Variants in GBF1 observed in about 807,000 individuals in gnomAD.
GBF1 encodes the protein Golgi-specific brefeldin A-resistance guanine nucleotide exchange factor 1.
A neutral mutation model predicts 210.5 loss-of-function variants in GBF1; 114 were observed. That is an observed-to-expected ratio of 0.54 (90% CI 0.47 to 0.63). The LOEUF (loss-of-function observed/expected upper bound fraction) is 0.63. Among genes scored for constraint, GBF1 ranks in the 30% least tolerant of loss-of-function variants. The probability of loss-of-function intolerance (pLI) is 0.00; values close to 1 mark genes in which losing one functional copy is unlikely to be tolerated. For synonymous variants in GBF1, 850 were observed against 889.2 expected, an observed-to-expected ratio of 0.96 and a Z score of 0.78; for missense variants, 1,851 against 2,357.7, an observed-to-expected ratio of 0.79 and a Z score of 4.45.
intron 3 of GBF1, among the ~76,000 whole-genome samples, chr10:102,308,798 C>CA (rs2078155869): frequency 6.6e-6 from 1 of 151,418 alleles, no homozygotes; most frequent in African/African-American, 2.4e-5. Context: ...ATGGGTGCAG[C>CA]ACACCAGCAT....
intron 3 of GBF1, among the ~76,000 whole-genome samples, chr10:102,340,441 T>C (rs1196651504): frequency 6.6e-6 from 1 of 151,898 alleles, no homozygotes; most frequent in Non-Finnish European, 1.5e-5. Flanking sequence ...GCCTGGCTAA[T>C]TTTTTGTATT....
intron 3 of GBF1, among the ~76,000 whole-genome samples, chr10:102,310,746 G>A (rs933455899): frequency 4.6e-5 from 7 of 152,200 alleles, no homozygotes; most frequent in Middle Eastern, 3.2e-3. Flanking sequence ...GTGGGGCAGC[G>A]GCAAAGAGGC....
At chr10:102,267,788 T>G (rs1443186970) in intron 3 of GBF1, among the ~76,000 whole-genome samples, 1 of 152,208 alleles carries the variant, frequency 6.6e-6, no homozygotes, top group Non-Finnish European at 1.5e-5. Flanking sequence ...GGCTGAGTGT[T>G]AGGAAAGGCA....
intron 3 of GBF1, among the ~76,000 whole-genome samples, chr10:102,304,048 A>C (rs1474191264): frequency 6.6e-6 from 1 of 152,134 alleles, no homozygotes; most frequent in Non-Finnish European, 1.5e-5. Context: ...TTATATGTGA[A>C]GTCTCCATCT....
chr10:102,380,397 G>A (rs1236419735), intron 37 of GBF1, 35 bp downstream of exon 37: 22 of 1,580,782 alleles, frequency 1.4e-5, no homozygotes, highest in Non-Finnish European at 1.7e-5. Context: ...CCTGCCTCCT[G>A]TCCCACCTGT....
chr10:102,318,786 T>C (rs2056100479), intron 3 of GBF1, among the ~76,000 whole-genome samples: 2 of 152,234 alleles, frequency 1.3e-5, no homozygotes, highest in Non-Finnish European at 2.9e-5. Flanking sequence ...ATTTTTACAT[T>C]TTAAGCATTA....
chr10:102,374,506 G>A (rs772115915), intron 29 of GBF1, among the ~76,000 whole-genome samples: 33 of 151,994 alleles, frequency 2.2e-4, no homozygotes, highest in East Asian at 3.9e-4. Context: ...GATCACTTGC[G>A]CCCAGGAGTT....
At chr10:102,255,750 T>G (rs2072258043) in intron 1 of GBF1, among the ~76,000 whole-genome samples, 1 of 152,264 alleles carries the variant, frequency 6.6e-6, no homozygotes, top group Admixed American at 6.5e-5. Flanking sequence ...TATTTCTAAG[T>G]TCTCCTCCTC....
At position 102,363,590 on chromosome 10, in the gene GBF1, G is replaced by C. The variant is rs917257481; in HGVS notation, c.2018-120G>C. On this transcript the variant is annotated intron_variant, in intron 16 of 39. Coordinates refer to ENST00000369983, the MANE Select transcript of GBF1 (RefSeq NM_001377137.1). The surrounding 1 kb of genome is among the most constrained non-coding windows in gnomAD (Gnocchi z 4.2). ...TTCCAGGGAAGTGGAAGACTGGTGAGGACAAGATTTCTGAGGCTCCTTCTT... is the reference window on the plus strand; with the variant it reads ...TTCCAGGGAAGTGGAAGACTGGTGACGACAAGATTTCTGAGGCTCCTTCTT... 3 of 824,610 alleles carry C rather than the reference G, an allele frequency of 3.6e-6. No individual in the cohort carries two copies. The highest frequency in any genetic ancestry group is 1.7e-5 in the African/African-American group (1 of 58,870). The allele number at this position is 824,610 out of a possible 1,614,324, so 51.1% of individuals were successfully genotyped here.
At chr10:102,304,780 AAAAGAAAG>A (rs572591453) in intron 3 of GBF1, among the ~76,000 whole-genome samples, 2 of 151,990 alleles carry the variant, frequency 1.3e-5, no homozygotes, top group African/African-American at 4.8e-5. Context: ...TCTCAAAAAA[AAAAGAAAG>A]AAAGAAAGAA....
chr10:102,262,253 C>A lies in GBF1; in HGVS notation c.163+2137C>A, dbSNP rs532359662. 3.3e-5 allele frequency among the ~76,000 whole-genome samples: 5 copies of A among 152,222 alleles called. No individual in the cohort carries two copies. The East Asian group carries it at 9.6e-4, about 29-fold the overall frequency. On this transcript the variant is annotated intron_variant, in intron 3 of 39. Coordinates refer to ENST00000369983, the MANE Select transcript of GBF1 (RefSeq NM_001377137.1). ...GGCAATTGTTGACTAGTTAGCAGGGCAAATGCTGCTACTAGGTGGCATGTT... is the reference window on the plus strand; with the variant it reads ...GGCAATTGTTGACTAGTTAGCAGGGAAAATGCTGCTACTAGGTGGCATGTT...
intron 4 of GBF1, among the ~76,000 whole-genome samples, chr10:102,344,407 T>G (rs1224159567): frequency 6.6e-6 from 1 of 152,216 alleles, no homozygotes; most frequent in East Asian, 1.9e-4. Flanking sequence ...GCACTCTGGC[T>G]TCTCTATGCT....
intron 29 of GBF1, 90 bp downstream of exon 29, chr10:102,370,950 A>G (rs2060174094): frequency 8.1e-7 from 1 of 1,238,802 alleles, no homozygotes. Context: ...GACAGAGAGT[A>G]CATTTAGTGC....
intron 3 of GBF1, among the ~76,000 whole-genome samples, chr10:102,325,346 C>T (rs2056799133): frequency 6.6e-6 from 1 of 152,114 alleles, no homozygotes; most frequent in East Asian, 2.0e-4. Flanking sequence ...GTCAGGAGTT[C>T]AAGACCAGCC....
At chr10:102,278,516 A>G (rs1029971959) in intron 3 of GBF1, among the ~76,000 whole-genome samples, 4 of 152,190 alleles carry the variant, frequency 2.6e-5, no homozygotes, top group Non-Finnish European at 4.4e-5. Flanking sequence ...TTGATCCATA[A>G]TAATTATACT....
At chr10:102,328,071 A>T (rs2134269767) in intron 3 of GBF1, among the ~76,000 whole-genome samples, 1 of 152,342 alleles carries the variant, frequency 6.6e-6, no homozygotes, top group South Asian at 2.1e-4. Context: ...GTGGCAAGTG[A>T]TTACCATACT....
chr10:102,314,063 AAAAG>A (rs1194653514), intron 3 of GBF1, among the ~76,000 whole-genome samples: 1 of 152,200 alleles, frequency 6.6e-6, no homozygotes, highest in Non-Finnish European at 1.5e-5. Context: ...AGAAGAGAAA[AAAAG>A]AAACCATATA....
At chr10:102,369,065 A>G (rs1270296464) in intron 23 of GBF1, 146 bp from the exon 24 acceptor site, 1 of 679,120 alleles carries the variant, frequency 1.5e-6, no homozygotes, top group African/African-American at 1.8e-5. Context: ...GGCCTTAACT[A>G]GGTTAACCCA....
At chr10:102,373,788 A>G (rs1241169118) in intron 29 of GBF1, among the ~76,000 whole-genome samples, 1 of 152,236 alleles carries the variant, frequency 6.6e-6, no homozygotes, top group Non-Finnish European at 1.5e-5. Flanking sequence ...CATTTATCCC[A>G]GAAAAGTGAA....
Sources: gnomAD v4.1 joint callset for allele counts (sites outside exome capture counted in the v4.1 genomes callset) on GRCh38, gnomAD v4.1.1 for gene constraint, Gnocchi (gnomAD v3.1) non-coding constraint, MANE v1.5 for transcripts, NCBI Gene and HGNC (gene_info 2026-07-23, HGNC 2026-07-21) for gene names.